Variants in C5orf58 observed in about 807,000 individuals in gnomAD.
The protein encoded by C5orf58 is putative uncharacterized protein C5orf58.
C5orf58 carries 2 observed loss-of-function variants against 2.9 expected under a neutral mutation model. The ratio of observed to expected loss-of-function variants is 0.69; its 90% confidence interval spans 0.28 to 2.18. The LOEUF (loss-of-function observed/expected upper bound fraction) is 2.18. C5orf58 is among the 30% of genes most tolerant of loss of function. The probability of loss-of-function intolerance (pLI) is 0.13; values close to 1 mark genes in which losing one functional copy is unlikely to be tolerated. For synonymous variants in C5orf58, 37 were observed against 33.4 expected (o/e 1.11, Z -0.37); for missense variants, 96 against 91.7 (o/e 1.05, Z -0.19).
intron 3 of C5orf58, among the ~76,000 whole-genome samples, chr5:170,235,608 A>G (rs1355994758): frequency 1.3e-5 from 2 of 152,144 alleles, no homozygotes; most frequent in African/African-American, 4.8e-5. Context: ...CCCTGACCAA[A>G]CATTTCTTAT....
Position 170,246,221 on chromosome 5 carries a change from G to A in C5orf58, c.*108G>A, listed in dbSNP as rs969486389. On this transcript the variant is annotated 3_prime_UTR_variant, in exon 4 of 4. Coordinates refer to ENST00000593851, the MANE Select transcript of C5orf58 (RefSeq NM_001102609.3). ...TAATTTAAAACAAAATAAAAATAAT[G>A]TAAACAAGCAGTTCATGTTCTTGAA... 2.0e-5 allele frequency: 18 copies of A among 919,838 alleles called. No homozygotes were observed. The Admixed American group carries it at 5.1e-4, about 26-fold the overall frequency. 57.0% of individuals were successfully genotyped at this position (919,838 alleles called of 1,614,324 possible).
At position 170,251,263 on chromosome 5, in the gene C5orf58, T is replaced by C. The variant is rs1363368794; in HGVS notation, c.95-385T>C. 3.0e-5 allele frequency: 6 copies of C among 201,686 alleles called. No homozygotes were observed. The Admixed American group carries it at 3.3e-4, about 11-fold the overall frequency. The allele number at this position is 201,686 out of a possible 1,614,324, so 12.5% of individuals were successfully genotyped here. A position where few individuals can be genotyped will look rare whatever the true frequency, so the allele number is the denominator to read the frequency against. On this transcript the variant is annotated intron_variant, in intron 2 of 2. Transcript: ENST00000517575. ...TCAAGATATATCTTCCTAGTATTCC[T>C]GTGAGTTAATTCCCTAAACTTTCTT...
At chr5:170,242,961 G>T in intron 3 of C5orf58, among the ~76,000 whole-genome samples, 1 of 138,902 alleles carries the variant, frequency 7.2e-6, no homozygotes, top group South Asian at 2.6e-4. Flanking sequence ...GCGTCCCAGA[G>T]ATTCTGGTAT....
downstream of C5orf58, chr5:170,251,162 T>C (rs530694879): frequency 5.1e-5 from 17 of 330,878 alleles, no homozygotes; most frequent in African/African-American, 3.4e-4. Context: ...AAAAACGGAA[T>C]CTTTTGTTCA....
chr5:170,246,007 A>G lies in C5orf58; in HGVS notation c.140A>G (p.His47Arg), dbSNP rs1761267944. Residue 47 changes from histidine (H) to arginine (R), a missense_variant, in exon 4 of 4, where the codon CAT becomes CGT. Coordinates refer to ENST00000593851, the MANE Select transcript of C5orf58 (RefSeq NM_001102609.3). ...LLCDLILHFN[H>R]PIKTENLAEA... ...TGTGACCTTATCCTACATTTTAATCATCCCATCAAGACTGAGAACTTAGCA... is the reference window on the plus strand; with the variant it reads ...TGTGACCTTATCCTACATTTTAATCGTCCCATCAAGACTGAGAACTTAGCA... 1 of 1,613,774 alleles carries G rather than the reference A, an allele frequency of 6.2e-7. No individual in the cohort carries two copies. The highest frequency in any genetic ancestry group is 8.5e-7 in the Non-Finnish European group (1 of 1,179,752).
At chr5:170,236,951 C>T (rs535205279) in intron 3 of C5orf58, among the ~76,000 whole-genome samples, 85 of 152,260 alleles carry the variant, frequency 5.6e-4, no homozygotes, top group Non-Finnish European at 1.0e-3. Context: ...GTACTTAACA[C>T]GGTGCCTTGA....
chr5:170,250,122 A>G (rs1581054792), downstream of C5orf58, among the ~76,000 whole-genome samples: 1 of 152,300 alleles, frequency 6.6e-6, no homozygotes, highest in East Asian at 1.9e-4. Context: ...CTTTGAACTT[A>G]GAGTATGTTT....
chr5:170,239,983 A>T (rs1760921441), intron 3 of C5orf58, among the ~76,000 whole-genome samples: 1 of 141,054 alleles, frequency 7.1e-6, no homozygotes, highest in Non-Finnish European at 1.5e-5. Context: ...TGTCCATGTG[A>T]TCTCATTGTT....
chr5:170,249,831 T>A (rs115409619), downstream of C5orf58, among the ~76,000 whole-genome samples: 796 of 152,312 alleles, frequency 5.2e-3, 11 homozygotes, highest in African/African-American at 0.018. Context: ...AAGACTAATC[T>A]GCTAGGTGCC....
intron 3 of C5orf58, among the ~76,000 whole-genome samples, chr5:170,242,623 T>TA (rs1374966069): frequency 9.7e-6 from 1 of 102,758 alleles, no homozygotes; most frequent in Non-Finnish European, 2.0e-5. Context: ...TCGGTGGTGA[T>TA]ATCCCCTTTA....
chr5:170,238,500 A>G (rs147297894), intron 3 of C5orf58, among the ~76,000 whole-genome samples: 4 of 152,290 alleles, frequency 2.6e-5, no homozygotes, highest in African/African-American at 9.6e-5. Context: ...TAAGAGTGTT[A>G]GAAAGAGAGA....
chr5:170,233,115 G>A (rs1311200198), intron 1 of C5orf58, 108 bp downstream of exon 1: 2 of 384,914 alleles, frequency 5.2e-6, no homozygotes. Flanking sequence ...ACCACCCAAC[G>A]GGTGGGCGGT....
At chr5:170,237,433 C>A (rs1459581331) in intron 3 of C5orf58, 1 of 395,788 alleles carries the variant, frequency 2.5e-6, no homozygotes, top group Non-Finnish European at 4.5e-6. Context: ...CAAGGTCAAG[C>A]AACTAGTCAG....
At chr5:170,240,784 A>T (rs935637720) in intron 3 of C5orf58, among the ~76,000 whole-genome samples, 1 of 149,288 alleles carries the variant, frequency 6.7e-6, no homozygotes, top group Non-Finnish European at 1.5e-5. Flanking sequence ...GTTTAATTAG[A>T]TCCCATTTGT....
chr5:170,239,012 T>C (rs1364836182), intron 3 of C5orf58, among the ~76,000 whole-genome samples: 1 of 152,162 alleles, frequency 6.6e-6, no homozygotes, highest in Non-Finnish European at 1.5e-5. Context: ...GTTCCCAAGA[T>C]ACCAGCTGTA....
downstream of C5orf58, chr5:170,248,916 C>A: frequency 8.2e-7 from 1 of 1,217,268 alleles, no homozygotes; most frequent in Non-Finnish European, 1.2e-6. Flanking sequence ...GCTGCCTCTT[C>A]AAGTGATGAG....
downstream of C5orf58, chr5:170,246,503 T>C (rs1761297986): frequency 6.2e-6 from 1 of 160,554 alleles, no homozygotes; most frequent in Non-Finnish European, 1.4e-5. Flanking sequence ...ATAGTTGGAA[T>C]AGATTTCAGG....
chr5:170,250,166 G>A (rs1461631593), downstream of C5orf58, among the ~76,000 whole-genome samples: 2 of 152,118 alleles, frequency 1.3e-5, no homozygotes, highest in Admixed American at 6.5e-5. Flanking sequence ...TTTCCTTTGC[G>A]AAAAACTAGC....
chr5:170,234,039 A>C (rs1760635222), intron 1 of C5orf58, 76 bp from the exon 2 acceptor site: 2 of 812,202 alleles, frequency 2.5e-6, no homozygotes, highest in Admixed American at 2.3e-5. Context: ...CAAGGAAGGC[A>C]GCTGACATCC....
Sources: allele counts gnomAD v4.1 joint callset (sites outside exome capture counted in the v4.1 genomes callset), GRCh38; gene constraint gnomAD v4.1.1; transcripts MANE v1.5; gene names NCBI Gene and HGNC (gene_info 2026-07-23, HGNC 2026-07-21).